The following IFNAR1 variants were observed in gnomAD, a reference collection of about 807,000 sequenced individuals.
The protein encoded by IFNAR1 is interferon alpha and beta receptor subunit 1, also known as interferon alpha/beta receptor 1.
In IFNAR1, 47 loss-of-function variants were observed where a neutral mutation model predicts 62.1. That is an observed-to-expected ratio of 0.76 (90% CI 0.60 to 0.97). The LOEUF (loss-of-function observed/expected upper bound fraction) is 0.97. Ranked by LOEUF, IFNAR1 falls within the 50% of genes least tolerant of loss-of-function variation. The pLI is 0.00. For synonymous variants in IFNAR1, 219 were observed against 226.9 expected, an observed-to-expected ratio of 0.97 and a Z score of 0.31; for missense variants, 638 against 654.5, an observed-to-expected ratio of 0.97 and a Z score of 0.27.
chr21:33,330,913 T>C (rs2083172238), intron 1 of IFNAR1, among the ~76,000 whole-genome samples: 3 of 152,180 alleles, frequency 2.0e-5, no homozygotes, highest in African/African-American at 7.2e-5. Context: ...CTGAGGAAGC[T>C]GCCTAGAGTC....
intron 1 of IFNAR1, among the ~76,000 whole-genome samples, chr21:33,325,658 G>T (rs934319000): frequency 1.3e-5 from 2 of 152,110 alleles, no homozygotes; most frequent in Non-Finnish European, 2.9e-5. Flanking sequence ...GGCGCATCCG[G>T]GAAAAACGTG....
chr21:33,324,984 C>T lies in IFNAR1; in HGVS notation c.-72C>T, dbSNP rs929341753. On this transcript the variant is annotated 5_prime_UTR_variant, in exon 1 of 11. In the 5' UTR this introduces an upstream ATG that the reference lacks. Transcript: ENST00000270139. ...TGCAGAGGGGCGGTGTGACTTAGGA[C>T]GGGGCGATGGCGGCTGAGAGGAGCT... 2.9e-6 allele frequency: 4 copies of T among 1,386,882 alleles called. No homozygotes were observed. The Admixed American group carries it at 6.0e-5, about 21-fold the overall frequency. The allele number at this position is 1,386,882 out of a possible 1,614,324, so 85.9% of individuals were successfully genotyped here.
Position 33,358,407 on chromosome 21 carries a change from A to G in IFNAR1, c.*2858A>G, listed in dbSNP as rs925488236. 1 of 152,200 alleles carries G rather than the reference A, an allele frequency of 6.6e-6. No homozygotes were observed. Among genetic ancestry groups the G allele is most frequent in the Non-Finnish European group, 1.5e-5 (1 of 68,038 alleles). The allele number at this position is 152,200 out of a possible 1,614,324, so 9.4% of individuals were successfully genotyped here. ...TTCTTAGAGAGACCAGATATAATCTAAGAATTTATATGAAAGATTTGTATC... is the reference window on the plus strand; with the variant it reads ...TTCTTAGAGAGACCAGATATAATCTGAGAATTTATATGAAAGATTTGTATC... On this transcript the variant is annotated 3_prime_UTR_variant, in exon 11 of 11. Coordinates refer to ENST00000270139, the MANE Select transcript of IFNAR1 (RefSeq NM_000629.3).
rs2083467800 is a variant in IFNAR1, at chr21:33,358,204, C to T, written c.*2655C>T. The T allele has an allele frequency of 6.6e-6, 1 of 152,190 alleles. No homozygotes were observed. The highest frequency in any genetic ancestry group is 6.5e-5 in the Admixed American group (1 of 15,272). The allele number at this position is 152,190 out of a possible 1,614,324, so 9.4% of individuals were successfully genotyped here. A position where few individuals can be genotyped will look rare whatever the true frequency, so the allele number is the denominator to read the frequency against. Reference sequence around the variant, plus strand: ...CAACAAAAAAACACCTCGTTTTTACCTTGTCTTCTAGACATGAAAAGGCAG... The same window carrying T: ...CAACAAAAAAACACCTCGTTTTTACTTTGTCTTCTAGACATGAAAAGGCAG... On this transcript the variant is annotated 3_prime_UTR_variant, in exon 11 of 11. Transcript: ENST00000270139.
chr21:33,342,856 C>CAA (rs34814637), intron 3 of IFNAR1, among the ~76,000 whole-genome samples: 2 of 142,678 alleles, frequency 1.4e-5, no homozygotes, highest in Admixed American at 7.0e-5. Context: ...GACTCCGTCT[C>CAA]AAAAAAAAAA....
chr21:33,347,133 T>C (rs1188038828), intron 6 of IFNAR1, among the ~76,000 whole-genome samples: 3 of 8,730 alleles, frequency 3.4e-4, no homozygotes, highest in Admixed American at 1.9e-3. Flanking sequence ...TCTAGATCCT[T>C]TTTTTTTTTT....
Position 33,343,358 on chromosome 21 carries a change from G to T in IFNAR1, c.467G>T (p.Trp156Leu), listed in dbSNP as rs987263774. 2 of 1,612,412 alleles carry T rather than the reference G, an allele frequency of 1.2e-6. No homozygotes were observed. The highest frequency in any genetic ancestry group is 2.7e-5 in the African/African-American group (2 of 74,864). The change falls in exon 4 of 11, where the codon TGG (tryptophan) becomes TTG (leucine). Residue 156 changes from tryptophan to leucine, a missense_variant. Coordinates refer to ENST00000270139, the MANE Select transcript of IFNAR1 (RefSeq NM_000629.3). The stretch of plus-strand genomic sequence containing the variant: ...CCTGGAACAAAAGATAGTGTTATGT[G>T]GGCTTTGGATGGTTTAAGCTTTACA... ...ISPGTKDSVM[W>L]ALDGLSFTYS...
intron 6 of IFNAR1, among the ~76,000 whole-genome samples, chr21:33,347,607 C>T (rs1379706892): frequency 6.6e-6 from 1 of 152,128 alleles, no homozygotes; most frequent in African/African-American, 2.4e-5. Flanking sequence ...AGGTCAGGCC[C>T]ACCCAGAATA....
chr21:33,335,647 A>C lies in IFNAR1; in HGVS notation c.200A>C (p.Lys67Thr). Reference protein sequence around the residue: ...GNVTFSFDYQKTGMDNWIKLS... With the variant: ...GNVTFSFDYQTTGMDNWIKLS... ...GTGACTTTTTCATTCGATTATCAAA[A>C]GTATGTGACTCTACTTACTGATTTG... The change falls in exon 2 of 11, where the codon AAA (lysine) becomes ACA (threonine). Residue 67 changes from lysine to threonine, a missense_variant and splice_region_variant. Physicochemically the swap from Lys to Thr is moderately conservative, Grantham distance 78. Coordinates refer to ENST00000270139, the MANE Select transcript of IFNAR1 (RefSeq NM_000629.3). 2 of 1,551,030 alleles carry C rather than the reference A, an allele frequency of 1.3e-6. No homozygotes were observed. Among genetic ancestry groups the C allele is most frequent in the South Asian group, 1.3e-5 (1 of 78,598 alleles).
chr21:33,353,676 A>T lies in IFNAR1; in HGVS notation c.1333A>T (p.Ile445Phe). 1 of 1,572,882 alleles carries T rather than the reference A, an allele frequency of 6.4e-7. No homozygotes were observed. ...SKIWLIVGIC[I>F]ALFALPFVIY... The stretch of plus-strand genomic sequence containing the variant: ...AATTTGGCTTATAGTTGGAATTTGT[A>T]TTGCATTATTTGCTCTCCCGTTTGT... The change falls in exon 10 of 11, where the codon ATT (isoleucine) becomes TTT (phenylalanine). Residue 445 changes from isoleucine (I) to phenylalanine (F), a missense_variant. Physicochemically the swap from Ile to Phe is conservative, Grantham distance 21. Transcript: ENST00000270139.
chr21:33,335,147 T>G, intron 1 of IFNAR1: 1 of 611,484 alleles, frequency 1.6e-6, no homozygotes, highest in Non-Finnish European at 3.0e-6. Context: ...TCTCTATCTA[T>G]CTATGAACAT....
chr21:33,348,994 C>T (rs1404087974), intron 6 of IFNAR1, 97 bp from the exon 7 acceptor site: 2 of 703,348 alleles, frequency 2.8e-6, no homozygotes, highest in East Asian at 5.5e-5. Flanking sequence ...AGTGTGGATA[C>T]TATTTATTTC....
At chr21:33,339,527 A>G (rs1330402297) in intron 2 of IFNAR1, among the ~76,000 whole-genome samples, 3 of 152,236 alleles carry the variant, frequency 2.0e-5, no homozygotes, top group African/African-American at 4.8e-5. Context: ...TTAAAAATAA[A>G]TAAATCAGCT....
chr21:33,346,072 C>T (rs2083342611), intron 6 of IFNAR1, among the ~76,000 whole-genome samples: 1 of 151,992 alleles, frequency 6.6e-6, no homozygotes, highest in Non-Finnish European at 1.5e-5. Flanking sequence ...GCAGCCTGGG[C>T]AACATAGTGA....
chr21:33,348,184 C>T (rs1362438118), intron 6 of IFNAR1, among the ~76,000 whole-genome samples: 1 of 152,206 alleles, frequency 6.6e-6, no homozygotes, highest in East Asian at 1.9e-4. Context: ...CGCAGTGTGT[C>T]TCTATTTTAG....
At chr21:33,352,655 G>A (rs2083409888) in intron 8 of IFNAR1, 103 bp from the exon 9 acceptor site, 3 of 593,474 alleles carry the variant, frequency 5.1e-6, no homozygotes, top group Admixed American at 2.8e-5. Flanking sequence ...CAACTACGTG[G>A]GAGAGGCCAA....
chr21:33,345,217 C>T lies in IFNAR1; in HGVS notation c.674-29C>T, dbSNP rs998288366. 9.1e-5 allele frequency: 101 copies of T among 1,110,248 alleles called. No individual in the cohort carries two copies. The East Asian group carries it at 2.3e-3, about 25-fold the overall frequency. The allele number at this position is 1,110,248 out of a possible 1,614,324, so 68.8% of individuals were successfully genotyped here. A position where few individuals can be genotyped will look rare whatever the true frequency, so the allele number is the denominator to read the frequency against. On this transcript the variant is annotated intron_variant, in intron 5 of 10. Coordinates refer to ENST00000270139, the MANE Select transcript of IFNAR1 (RefSeq NM_000629.3). ...TATCTCACTTGAGTAAAAATGTGTG[C>T]TTTTTTTTATCTGTTCTTTGGCTTC...
At chr21:33,344,015 G>C (rs1394907025) in intron 5 of IFNAR1, among the ~76,000 whole-genome samples, 1 of 152,196 alleles carries the variant, frequency 6.6e-6, no homozygotes, top group Admixed American at 6.5e-5. Flanking sequence ...GCTGGGCGTG[G>C]TGGCTCACGC....
intron 6 of IFNAR1, among the ~76,000 whole-genome samples, 158 bp from the exon 7 acceptor site, chr21:33,348,933 G>T (rs2083374068): frequency 6.6e-6 from 1 of 152,146 alleles, no homozygotes; most frequent in South Asian, 2.1e-4. Flanking sequence ...ACAGTCTTTG[G>T]TTTTCTTTTA....
Sources: gnomAD v4.1 joint callset for allele counts (sites outside exome capture counted in the v4.1 genomes callset) on GRCh38, gnomAD v4.1.1 for gene constraint, MANE v1.5 for transcripts, NCBI Gene and HGNC (gene_info 2026-07-23, HGNC 2026-07-21) for gene names.